DSE: variants seen among roughly 807,000 people sequenced by gnomAD.
DSE encodes dermatan-sulfate epimerase.
DSE carries 36 observed loss-of-function variants against 84.4 expected under a neutral mutation model. That is an observed-to-expected ratio of 0.43 (90% CI 0.33 to 0.56). The LOEUF (loss-of-function observed/expected upper bound fraction) is 0.56, where lower values mean the gene tolerates loss of function less well. DSE is among the 20% of genes least tolerant of loss of function. DSE has a pLI of 0.06. For missense variants in DSE, 862 were observed against 1,169.6 expected (o/e 0.74, Z 3.84); for synonymous variants, 410 against 430.1 (o/e 0.95, Z 0.58).
intron 1 of DSE, among the ~76,000 whole-genome samples, chr6:116,373,233 C>T (rs1364563867): frequency 6.6e-6 from 1 of 151,988 alleles, no homozygotes; most frequent in African/African-American, 2.4e-5. Context: ...CGTGGTGTCG[C>T]GCGCCTGTAG....
chr6:116,259,394 C>T (rs1032497928), intron 2 of DSE, among the ~76,000 whole-genome samples: 1 of 152,192 alleles, frequency 6.6e-6, no homozygotes, highest in African/African-American at 2.4e-5. Flanking sequence ...CAATGCTCTT[C>T]TGAGATAGAT....
At chr6:116,269,298 A>G (rs1025370067) in intron 2 of DSE, among the ~76,000 whole-genome samples, 2 of 152,048 alleles carry the variant, frequency 1.3e-5, no homozygotes, top group Non-Finnish European at 2.9e-5. Flanking sequence ...GTGAAATGAG[A>G]TATCTGTGAA....
intron 2 of DSE, among the ~76,000 whole-genome samples, chr6:116,306,432 C>T (rs1775351486): frequency 6.6e-6 from 1 of 152,152 alleles, no homozygotes; most frequent in Admixed American, 6.5e-5. Flanking sequence ...AATCAGGTCT[C>T]ATCCTAATTT....
intron 2 of DSE, among the ~76,000 whole-genome samples, chr6:116,317,625 G>C (rs1255235063): frequency 6.6e-6 from 1 of 152,160 alleles, no homozygotes; most frequent in Non-Finnish European, 1.5e-5. Flanking sequence ...TGTGTTGTTT[G>C]TATCATGTAT....
At chr6:116,420,445 C>T (rs1382826286) in intron 2 of DSE, among the ~76,000 whole-genome samples, 1 of 152,170 alleles carries the variant, frequency 6.6e-6, no homozygotes, top group East Asian at 1.9e-4. Context: ...CTCTCTCACG[C>T]TTGCCTTATC....
At chr6:116,395,202 G>A (rs1402657044) in intron 1 of DSE, among the ~76,000 whole-genome samples, 1 of 151,268 alleles carries the variant, frequency 6.6e-6, no homozygotes, top group Non-Finnish European at 1.5e-5. Flanking sequence ...GAGGCGGGTG[G>A]ATCACGAGGT....
intron 2 of DSE, among the ~76,000 whole-genome samples, chr6:116,328,248 T>G (rs1303006659): frequency 2.6e-5 from 4 of 152,244 alleles, no homozygotes; most frequent in African/African-American, 9.6e-5. Flanking sequence ...AAGGATTCAA[T>G]GCTGTTTTTT....
intron 2 of DSE, among the ~76,000 whole-genome samples, chr6:116,314,865 T>C (rs1264208042): frequency 6.6e-6 from 1 of 152,210 alleles, no homozygotes; most frequent in Non-Finnish European, 1.5e-5. Context: ...GCCTTTTAAC[T>C]TATCCACGCT....
chr6:116,281,110 C>T (rs1413155649), intron 2 of DSE, among the ~76,000 whole-genome samples: 2 of 151,882 alleles, frequency 1.3e-5, no homozygotes, highest in African/African-American at 4.8e-5. Flanking sequence ...GCAGGAGGGT[C>T]AGTCAGAGAA....
At chr6:116,320,655 T>C (rs1776250512) in intron 2 of DSE, among the ~76,000 whole-genome samples, 1 of 152,110 alleles carries the variant, frequency 6.6e-6, no homozygotes. Flanking sequence ...CCAGCAGCAT[T>C]GGTTTCCTCT....
intron 2 of DSE, among the ~76,000 whole-genome samples, chr6:116,273,048 C>A (rs1376009928): frequency 2.0e-5 from 3 of 152,156 alleles, no homozygotes; most frequent in Non-Finnish European, 4.4e-5. Context: ...GCTTATACTG[C>A]AAGTTTTATC....
At chr6:116,388,109 T>A (rs1780677723) in intron 1 of DSE, among the ~76,000 whole-genome samples, 1 of 152,190 alleles carries the variant, frequency 6.6e-6, no homozygotes, top group Non-Finnish European at 1.5e-5. Context: ...GGCTAGATTA[T>A]GGGAATTGGC....
intron 2 of DSE, among the ~76,000 whole-genome samples, chr6:116,408,365 A>G (rs552093007): frequency 6.6e-6 from 1 of 152,274 alleles, no homozygotes; most frequent in East Asian, 1.9e-4. Context: ...AAGCTTATTG[A>G]GGGTAGCCCC....
chr6:116,337,650 A>G (rs540235855), intron 2 of DSE, among the ~76,000 whole-genome samples: 39 of 152,280 alleles, frequency 2.6e-4, no homozygotes, highest in Middle Eastern at 6.8e-3. Context: ...AAAACTAGAA[A>G]CACTCTAATT....
upstream of DSE, chr6:116,370,080 G>C: frequency 3.1e-6 from 2 of 650,142 alleles, no homozygotes; most frequent in South Asian, 3.6e-5. Flanking sequence ...ACCTGGCTGA[G>C]CGTGTTTGAG....
At position 116,395,873 on chromosome 6, in the gene DSE, T is replaced by TAAG. The variant is rs1259977858; in HGVS notation, c.-53-3325_-53-3324insAAG. 3.3e-5 allele frequency among the ~76,000 whole-genome samples: 5 copies of TAAG among 152,336 alleles called. No homozygotes were observed. The East Asian group carries it at 9.6e-4, about 29-fold the overall frequency. ...TGAAATTTTCTAGACAGATTTAAAA[T>TAAG]GATGGGTGGGTATTACTTCCTCTTT... On this transcript the variant is annotated intron_variant, in intron 1 of 5. Transcript: ENST00000644252.
In DSE at chr6:116,436,689, A is replaced by G. The variant is rs780336360; in HGVS notation, c.2221A>G (p.Ile741Val). 12 of 1,614,052 alleles carry G rather than the reference A, an allele frequency of 7.4e-6. No homozygotes were observed. Among genetic ancestry groups the G allele is most frequent in the Non-Finnish European group, 1.0e-5 (12 of 1,180,030 alleles). ...IVPEVKDYAA[I>V]VEQNLQHFKP... The stretch of plus-strand genomic sequence containing the variant: ...CCCTGAGGTGAAGGACTATGCTGCT[A>G]TTGTGGAACAGAACTTGCAGCATTT... Residue 741 changes from isoleucine (I) to valine (V), a missense_variant, in exon 6 of 6, where the codon ATT (isoleucine) becomes GTT (valine). Physicochemically the swap from Ile to Val is conservative, Grantham distance 29. Around this residue, in one of 4 missense-constraint regions of DSE, gnomAD observed 315 missense variants for 348.1 expected, o/e 0.90. Coordinates refer to ENST00000644252, the MANE Select transcript of DSE (RefSeq NM_013352.4).
At chr6:116,394,736 A>G (rs1211345935) in intron 1 of DSE, among the ~76,000 whole-genome samples, 1 of 152,202 alleles carries the variant, frequency 6.6e-6, no homozygotes, top group Non-Finnish European at 1.5e-5. Flanking sequence ...AAGTTGTGTG[A>G]CATAAGACAA....
At chr6:116,408,197 GC>G (rs1445142467) in intron 2 of DSE, among the ~76,000 whole-genome samples, 1 of 152,138 alleles carries the variant, frequency 6.6e-6, no homozygotes, top group East Asian at 1.9e-4. Flanking sequence ...TCTAGATTCG[GC>G]TCCAAAGAAA....
Sources: allele counts gnomAD v4.1 joint callset (sites outside exome capture counted in the v4.1 genomes callset), GRCh38; gene constraint gnomAD v4.1.1; regional missense constraint gnomAD v4.1.1; transcripts MANE v1.5; gene names NCBI Gene and HGNC (gene_info 2026-07-23, HGNC 2026-07-21).